LRRC69: variants seen among roughly 807,000 people sequenced by gnomAD.
LRRC69 encodes the protein leucine-rich repeat-containing protein 69.
LRRC69 carries 42 observed loss-of-function variants against 37.8 expected under a neutral mutation model. The observed-to-expected ratio is 1.11, with a 90% CI of 0.87 to 1.44. The LOEUF is 1.44. Ranked by LOEUF, LRRC69 falls within the 40% of genes most tolerant of loss-of-function variation. LRRC69 has a pLI of 0.00. For synonymous variants in LRRC69, 141 were observed against 143.1 expected, an observed-to-expected ratio of 0.99 and a Z score of 0.11; for missense variants, 357 against 401.9, an observed-to-expected ratio of 0.89 and a Z score of 0.96.
At chr8:91,174,841 T>A (rs187964190) in intron 5 of LRRC69, among the ~76,000 whole-genome samples, 85 of 152,322 alleles carry the variant, frequency 5.6e-4, no homozygotes, top group African/African-American at 1.6e-3. Flanking sequence ...TCACTAGGTA[T>A]ACGGCTCTCC....
chr8:91,217,715 C>T (rs1366265116), intron 7 of LRRC69, among the ~76,000 whole-genome samples: 2 of 152,140 alleles, frequency 1.3e-5, no homozygotes, highest in East Asian at 3.8e-4. Flanking sequence ...GGCTTTTGTG[C>T]CAGCACAATG....
chr8:91,191,045 C>T (rs866394647), intron 6 of LRRC69, among the ~76,000 whole-genome samples: 7,953 of 141,064 alleles, frequency 0.056, 405 homozygotes, highest in Middle Eastern at 0.17. Context: ...TCTCAAACCC[C>T]CCCCCCCCCA....
rs774968310 is a variant in LRRC69, at chr8:91,218,993, A to C, written c.1037A>C (p.Gln346Pro). 32 of 1,542,780 alleles carry C rather than the reference A, an allele frequency of 2.1e-5. No homozygotes were observed. In the East Asian group the frequency reaches 3.7e-4, roughly 18 times the overall value. ...GACCCTAACCTCTTTGGAATTGCTCAGGTGTAGAACAGGTGAGGTGCTCAT... is the reference window on the plus strand; with the variant it reads ...GACCCTAACCTCTTTGGAATTGCTCCGGTGTAGAACAGGTGAGGTGCTCAT... Residue 346 changes from glutamine (Q) to proline (P), a missense_variant, in exon 8 of 8, where the codon CAG (glutamine) becomes CCG (proline). Gln to Pro is a moderately conservative substitution (Grantham distance 76). Transcript: ENST00000448384.
chr8:91,158,123 C>T, intron 5 of LRRC69: 1 of 1,574,522 alleles, frequency 6.4e-7, no homozygotes, highest in Non-Finnish European at 8.7e-7. Flanking sequence ...TCCAGCATTA[C>T]CAGGTGAAAC....
chr8:91,188,369 T>C (rs1163646203), intron 5 of LRRC69, among the ~76,000 whole-genome samples: 3 of 152,176 alleles, frequency 2.0e-5, no homozygotes, highest in Admixed American at 1.3e-4. Flanking sequence ...CCTATAAATG[T>C]TGTGAGATGC....
At chr8:91,213,904 G>A (rs1005949538) in intron 7 of LRRC69, among the ~76,000 whole-genome samples, 2 of 152,152 alleles carry the variant, frequency 1.3e-5, no homozygotes, top group African/African-American at 4.8e-5. Context: ...AAAAAGTTGA[G>A]GTCACATGCC....
At chr8:91,106,435 A>G (rs1166469726) in intron 1 of LRRC69, among the ~76,000 whole-genome samples, 1 of 152,026 alleles carries the variant, frequency 6.6e-6, no homozygotes, top group African/African-American at 2.4e-5. Flanking sequence ...CTACTTTTAA[A>G]TTTCTGTACT....
At chr8:91,217,089 G>A (rs2130656616) in intron 7 of LRRC69, among the ~76,000 whole-genome samples, 1 of 152,146 alleles carries the variant, frequency 6.6e-6, no homozygotes, top group South Asian at 2.1e-4. Flanking sequence ...CTTGGGCTGA[G>A]CCATATGTTT....
At chr8:91,144,731 G>C (rs769917269) in intron 5 of LRRC69, among the ~76,000 whole-genome samples, 17 of 151,876 alleles carry the variant, frequency 1.1e-4, no homozygotes, top group Non-Finnish European at 2.5e-4. Flanking sequence ...TGGTGTCCTT[G>C]GTTCCAGACA....
intron 7 of LRRC69, among the ~76,000 whole-genome samples, chr8:91,203,972 A>G (rs1809755265): frequency 6.6e-6 from 1 of 151,674 alleles, no homozygotes; most frequent in Non-Finnish European, 1.5e-5. Flanking sequence ...AATACAAAAA[A>G]TTAGCCGGGT....
chr8:91,124,636 G>A lies in LRRC69; in HGVS notation c.310+17G>A. On this transcript the variant is annotated intron_variant, in intron 2 of 7. Coordinates refer to ENST00000448384, the Ensembl canonical transcript of LRRC69. ...GAGCCTGTGGTAATTTAATCAACAA[G>A]GAACAACATTATAGCATCAAATTTA... 4 of 1,514,300 alleles carry A rather than the reference G, an allele frequency of 2.6e-6. No individual in the cohort carries two copies. In the South Asian group the frequency reaches 3.9e-5, roughly 15 times the overall value. The allele number at this position is 1,514,300 out of a possible 1,614,324, so 93.8% of individuals were successfully genotyped here.
intron 5 of LRRC69, among the ~76,000 whole-genome samples, chr8:91,185,117 G>C (rs1048946574): frequency 6.6e-6 from 1 of 152,186 alleles, no homozygotes; most frequent in Non-Finnish European, 1.5e-5. Flanking sequence ...GGGCAGAAAT[G>C]GGGTCTAAAG....
intron 5 of LRRC69, among the ~76,000 whole-genome samples, chr8:91,184,461 T>TG (rs1445200632): frequency 1.3e-5 from 2 of 152,212 alleles, no homozygotes; most frequent in African/African-American, 2.4e-5. Flanking sequence ...CTTGTTTGCA[T>TG]GGGGGCAGTG....
chr8:91,213,557 C>G (rs1266852607), intron 7 of LRRC69, among the ~76,000 whole-genome samples: 2 of 152,090 alleles, frequency 1.3e-5, no homozygotes. Flanking sequence ...AGTAGGAGAC[C>G]TAGTCTGTTC....
chr8:91,106,056 C>A (rs1431323613), intron 1 of LRRC69, among the ~76,000 whole-genome samples: 1 of 152,000 alleles, frequency 6.6e-6, no homozygotes, highest in Non-Finnish European at 1.5e-5. Context: ...ATTCAGCTGA[C>A]CTGACTGATG....
exon 1 of LRRC69, chr8:91,102,792 T>C: frequency 6.4e-7 from 1 of 1,551,456 alleles, no homozygotes. Flanking sequence ...ACTCTAGTCC[T>C]TCAGAATAAC....
chr8:91,108,565 CA>C (rs1357292093), intron 1 of LRRC69, among the ~76,000 whole-genome samples: 1 of 151,982 alleles, frequency 6.6e-6, no homozygotes, highest in Non-Finnish European at 1.5e-5. Flanking sequence ...AGTCTCTAGT[CA>C]GAGAAGTCAG....
intron 6 of LRRC69, among the ~76,000 whole-genome samples, chr8:91,196,821 G>A (rs139790205): frequency 0.03 from 4,593 of 151,992 alleles, 221 homozygotes; most frequent in African/African-American, 0.1. Flanking sequence ...TAATTTGATC[G>A]TCTGAAGCCT....
chr8:91,190,704 T>C (rs1041721201), intron 6 of LRRC69, among the ~76,000 whole-genome samples: 1 of 152,126 alleles, frequency 6.6e-6, no homozygotes, highest in African/African-American at 2.4e-5. Flanking sequence ...TTTAACTACT[T>C]CCCCACTGTT....
Sources: gnomAD v4.1 joint callset for allele counts (sites outside exome capture counted in the v4.1 genomes callset) on GRCh38, gnomAD v4.1.1 for gene constraint, MANE v1.5 for transcripts, NCBI Gene and HGNC (gene_info 2026-07-23, HGNC 2026-07-21) for gene names.